RAP1GAP2: variants seen among roughly 807,000 people sequenced by gnomAD.
The protein encoded by RAP1GAP2 is rap1 GTPase-activating protein 2.
A neutral mutation model predicts 95.0 loss-of-function variants in RAP1GAP2; 27 were observed. The observed-to-expected ratio is 0.28, with a 90% CI of 0.21 to 0.39. RAP1GAP2 has a LOEUF of 0.39. RAP1GAP2 is among the 10% of genes least tolerant of loss of function. The probability of loss-of-function intolerance (pLI) is 1.00; values close to 1 mark genes in which losing one functional copy is unlikely to be tolerated. For synonymous variants in RAP1GAP2, 373 were observed against 380.9 expected, an observed-to-expected ratio of 0.98 and a Z score of 0.24; for missense variants, 771 against 970.0, an observed-to-expected ratio of 0.79 and a Z score of 2.72.
At chr17:2,841,585 C>T (rs1443027405) in intron 2 of RAP1GAP2, among the ~76,000 whole-genome samples, 2 of 152,010 alleles carry the variant, frequency 1.3e-5, no homozygotes, top group Non-Finnish European at 2.9e-5. Context: ...GGATTACAGG[C>T]GTGAGCCACC....
chr17:2,984,825 C>G (rs750402966), intron 10 of RAP1GAP2, among the ~76,000 whole-genome samples, 158 bp from the exon 11 acceptor site: 1 of 152,024 alleles, frequency 6.6e-6, no homozygotes, highest in Non-Finnish European at 1.5e-5. Flanking sequence ...GCCTGACTGT[C>G]TACTTATTAT....
intron 2 of RAP1GAP2, among the ~76,000 whole-genome samples, chr17:2,814,581 T>A (rs1962123186): frequency 6.6e-6 from 1 of 152,094 alleles, no homozygotes; most frequent in African/African-American, 2.4e-5. Context: ...GTGGTTTCTG[T>A]CTGAGTTCCT....
In RAP1GAP2 at chr17:3,006,016, A is replaced by G. The variant is rs756475782; in HGVS notation, c.1334A>G (p.Lys445Arg). ...ACCAATGCCGAGAACGCCTGCTGCA[A>G]GTCGGACAAGTTTGCAAAGCTGGAG... ...KLTNAENACC[K>R]SDKFAKLEDR... The change falls in exon 16 of 25, where the codon AAG becomes AGG. Residue 445 changes from lysine (K) to arginine (R), a missense_variant. Physicochemically the swap from Lys to Arg is conservative, Grantham distance 26. Transcript: ENST00000254695. 24 of 1,613,586 alleles carry G rather than the reference A, an allele frequency of 1.5e-5. No individual in the cohort carries two copies. The highest frequency in any genetic ancestry group is 1.9e-5 in the Non-Finnish European group (22 of 1,179,796).
At chr17:2,757,819 C>T (rs952518922) in intron 1 of RAP1GAP2, among the ~76,000 whole-genome samples, 1 of 152,002 alleles carries the variant, frequency 6.6e-6, no homozygotes, top group African/African-American at 2.4e-5. Context: ...CCAACTCTTG[C>T]CCCTGGCACT....
At chr17:2,837,475 G>T (rs2071185280) in intron 2 of RAP1GAP2, among the ~76,000 whole-genome samples, 1 of 152,018 alleles carries the variant, frequency 6.6e-6, no homozygotes, top group South Asian at 2.1e-4. Context: ...ATTCCGCTTC[G>T]TCTGGTGATG....
At chr17:2,950,955 G>A (rs1256740020) in intron 3 of RAP1GAP2, among the ~76,000 whole-genome samples, 2 of 152,184 alleles carry the variant, frequency 1.3e-5, no homozygotes, top group Non-Finnish European at 2.9e-5. Context: ...AATGAAGAGA[G>A]GTTAACATGC....
chr17:3,029,380 G>A lies in RAP1GAP2; in HGVS notation c.2108-1542G>A, dbSNP rs2047222771. Reference sequence around the variant, plus strand: ...TTTTCTCCACACAGTATTTAACCCCGATGGGCTGCTTTTCACCCCCAGCCC... The same window carrying A: ...TTTTCTCCACACAGTATTTAACCCCAATGGGCTGCTTTTCACCCCCAGCCC... On this transcript the variant is annotated intron_variant, in intron 22 of 24. Transcript: ENST00000254695. This position sits in a 1 kb window ranked among gnomAD's most constrained non-coding sequence, Gnocchi z 4.4. 6.6e-6 allele frequency among the ~76,000 whole-genome samples: 1 copy of A among 152,040 alleles called. No individual in the cohort carries two copies. Among genetic ancestry groups the A allele is most frequent in the Admixed American group, 6.6e-5 (1 of 15,256 alleles).
At position 3,005,354 on chromosome 17, in the gene RAP1GAP2, C is replaced by T; in HGVS notation, c.1201-15C>T. ...TCTTCCCTCCAGGTCCGTACCATGA[C>T]TCTGTTTCACTCAGGTCTCTGTCAC... On this transcript the variant is annotated splice_polypyrimidine_tract_variant and intron_variant, in intron 14 of 24. Coordinates refer to ENST00000254695, the MANE Select transcript of RAP1GAP2 (RefSeq NM_015085.5). This position sits in a 1 kb window ranked among gnomAD's most constrained non-coding sequence, Gnocchi z 5.2. 1 of 1,612,720 alleles carries T rather than the reference C, an allele frequency of 6.2e-7. No homozygotes were observed. Among genetic ancestry groups the T allele is most frequent in the Non-Finnish European group, 8.5e-7 (1 of 1,178,736 alleles).
Position 3,005,840 on chromosome 17 carries a change from G to C in RAP1GAP2, c.1273-115G>C. 1.0e-6 allele frequency: 1 copy of C among 981,388 alleles called. No individual in the cohort carries two copies. Among genetic ancestry groups the C allele is most frequent in the Non-Finnish European group, 1.6e-6 (1 of 610,972 alleles). 60.8% of individuals were successfully genotyped at this position (981,388 alleles called of 1,614,324 possible). A position where few individuals can be genotyped will look rare whatever the true frequency, so the allele number is the denominator to read the frequency against. ...GCTAGAAATGATCCGCTGTCGGAAG[G>C]GACTTTTCAGGGGTTCTCCCCATGG... On this transcript the variant is annotated intron_variant, in intron 15 of 24. Transcript: ENST00000254695. This position sits in a 1 kb window ranked among gnomAD's most constrained non-coding sequence, Gnocchi z 5.2.
At chr17:2,984,690 G>A (rs8080444) in intron 10 of RAP1GAP2, among the ~76,000 whole-genome samples, 38,932 of 152,030 alleles carry the variant, frequency 0.26, 5,432 homozygotes, top group East Asian at 0.4. Flanking sequence ...GGTTAAGTAA[G>A]CTGCTGGACA....
At chr17:2,846,709 C>A (rs1407296125) in intron 2 of RAP1GAP2, among the ~76,000 whole-genome samples, 2 of 152,178 alleles carry the variant, frequency 1.3e-5, no homozygotes, top group Non-Finnish European at 2.9e-5. Context: ...CAGATGAAGA[C>A]ACTGAGGCAC....
intron 24 of RAP1GAP2, 134 bp downstream of exon 24, chr17:3,032,583 A>C (rs2047359188): frequency 2.3e-6 from 2 of 873,666 alleles, no homozygotes; most frequent in Non-Finnish European, 3.7e-6. Context: ...AGAGTCTCCT[A>C]CTCGCCCCTG....
intron 3 of RAP1GAP2, 51 bp downstream of exon 3, chr17:2,905,419 G>A: frequency 6.4e-7 from 1 of 1,573,212 alleles, no homozygotes; most frequent in Non-Finnish European, 8.7e-7. Context: ...TGGGGAAGTT[G>A]TGAGGCCTTG....
intron 11 of RAP1GAP2, among the ~76,000 whole-genome samples, chr17:2,988,192 G>T (rs2045624057): frequency 6.8e-6 from 1 of 148,084 alleles, no homozygotes; most frequent in Non-Finnish European, 1.5e-5. Flanking sequence ...CTGGAGCAAC[G>T]AGCGAAACTC....
At chr17:2,992,699 A>G (rs991853174) in intron 12 of RAP1GAP2, among the ~76,000 whole-genome samples, 2 of 152,162 alleles carry the variant, frequency 1.3e-5, no homozygotes, top group Non-Finnish European at 1.5e-5. Context: ...CCTGGCACAC[A>G]GCGGATATTC....
At chr17:2,931,939 A>G (rs2043169175) in intron 3 of RAP1GAP2, among the ~76,000 whole-genome samples, 1 of 152,224 alleles carries the variant, frequency 6.6e-6, no homozygotes, top group East Asian at 1.9e-4. Context: ...CAAAATTTCC[A>G]GCTTCTCATG....
In RAP1GAP2 at chr17:2,805,718, G is replaced by C. The variant is rs146258526; in HGVS notation, c.80+5168G>C. Among the ~76,000 whole-genome samples, 320 of 151,482 alleles carry C rather than the reference G, an allele frequency of 2.1e-3. 2 individuals carry two copies. The highest frequency in any genetic ancestry group is 7.3e-3 in the African/African-American group (301 of 41,236). On this transcript the variant is annotated intron_variant, in intron 2 of 24. Transcript: ENST00000254695. ...CTACCCTCTGTGCTCTCTCCACAGA[G>C]ACCCCTGCATCTTTGCTAAAGAAAG...
At chr17:2,787,350 G>A (rs1380715757) in intron 1 of RAP1GAP2, among the ~76,000 whole-genome samples, 2 of 151,042 alleles carry the variant, frequency 1.3e-5, no homozygotes, top group Non-Finnish European at 2.9e-5. Flanking sequence ...AACCTCCTGG[G>A]CTCAAGTGAT....
chr17:2,794,494 A>T (rs1293308212), upstream of RAP1GAP2, among the ~76,000 whole-genome samples: 1 of 152,142 alleles, frequency 6.6e-6, no homozygotes, highest in African/African-American at 2.4e-5. Context: ...CAGCAGCCTG[A>T]AGCCACCCCA....
Sources: gnomAD v4.1 joint callset for allele counts (sites outside exome capture counted in the v4.1 genomes callset) on GRCh38, gnomAD v4.1.1 for gene constraint, Gnocchi (gnomAD v3.1) non-coding constraint, MANE v1.5 for transcripts, NCBI Gene and HGNC (gene_info 2026-07-23, HGNC 2026-07-21) for gene names.